NAA80: variants seen among roughly 807,000 people sequenced by gnomAD.
NAA80 encodes the protein N-alpha-acetyltransferase 80.
Under a neutral mutation model 8.7 loss-of-function variants are expected in NAA80, and 5 were observed. The ratio of observed to expected loss-of-function variants is 0.58; its 90% CI spans 0.30 to 1.21. The LOEUF (loss-of-function observed/expected upper bound fraction) is 1.21, where lower values mean the gene tolerates loss of function less well. NAA80 is among the 50% of genes most tolerant of loss of function. NAA80 has a pLI of 0.07. For synonymous variants in NAA80, 149 were observed against 156.6 expected (o/e 0.95, Z 0.36); for missense variants, 360 against 368.6 (o/e 0.98, Z 0.19).
chr3:50,299,309 T>C lies in NAA80; in HGVS notation c.-306A>G. 2 of 1,609,192 alleles carry C rather than the reference T, an allele frequency of 1.2e-6. No homozygotes were observed. Among genetic ancestry groups the C allele is most frequent in the South Asian group, 1.1e-5 (1 of 90,842 alleles). ...CTCGGACTCCTCGGTCCGACAACGT[T>C]GGCCCCCAGCGGTGCGGCGGATGTT... On this transcript the variant is annotated 5_prime_UTR_variant, in exon 1 of 2. Transcript: ENST00000443094.
rs1035668942 is a variant in NAA80, at chr3:50,296,536, G to A, written c.*67C>T. The stretch of plus-strand genomic sequence containing the variant: ...CTAGGGGCTGAGGTATGGTCAGTGG[G>A]CTGAGGCTTGTAGACTGTCGGGGCA... On this transcript the variant is annotated 3_prime_UTR_variant, in exon 2 of 2. Coordinates refer to ENST00000443094, the MANE Select transcript of NAA80 (RefSeq NM_001200016.2). 8.4e-6 allele frequency: 13 copies of A among 1,551,060 alleles called. No individual in the cohort carries two copies. In the African/African-American group the frequency reaches 1.6e-4, roughly 19 times the overall value.
chr3:50,296,957 G>A lies in NAA80; in HGVS notation c.507C>T (p.Phe169=). 1 of 1,601,880 alleles carries A rather than the reference G, an allele frequency of 6.2e-7. No homozygotes were observed. The change falls in exon 2 of 2, where the codon TTC becomes TTT. Residue 169 remains phenylalanine (F), a synonymous_variant. Transcript: ENST00000443094. Reference sequence around the variant, plus strand: ...CATGGGTGGTGAGATGCAGCTTGCGGAAGCCCCGGGCCCGAGCAAAGACCT... The same window carrying A: ...CATGGGTGGTGAGATGCAGCTTGCGAAAGCCCCGGGCCCGAGCAAAGACCT... ...GLEVFARARG[F]RKLHLTTHDQ...
At position 50,296,968 on chromosome 3, in the gene NAA80, C is replaced by T. The variant is rs782400136; in HGVS notation, c.496G>A (p.Ala166Thr). 1.1e-5 allele frequency: 17 copies of T among 1,593,728 alleles called. No individual in the cohort carries two copies. Among genetic ancestry groups the T allele is most frequent in the Non-Finnish European group, 1.4e-5 (16 of 1,172,302 alleles). ...AGATGCAGCTTGCGGAAGCCCCGGG[C>T]CCGAGCAAAGACCTCCAGGCCCTCC... Reference protein sequence around the residue: ...LMEGLEVFARARGFRKLHLTT... With the variant: ...LMEGLEVFARTRGFRKLHLTT... Residue 166 changes from alanine to threonine, a missense_variant, in exon 2 of 2, where the codon GCC (alanine) becomes ACC (threonine). Ala to Thr is a moderately conservative substitution (Grantham distance 58). Coordinates refer to ENST00000443094, the MANE Select transcript of NAA80 (RefSeq NM_001200016.2).
At position 50,297,308 on chromosome 3, in the gene NAA80, G is replaced by T; in HGVS notation, c.156C>A (p.Thr52=). ...TLDPEHQPEE[T]PAPSLAELTL... ...TCAACTCAGCCAGGCTAGGAGCTGGGGTCTCCTCTGGCTGGTGTTCAGGAT... is the reference window on the plus strand; with the variant it reads ...TCAACTCAGCCAGGCTAGGAGCTGGTGTCTCCTCTGGCTGGTGTTCAGGAT... The change falls in exon 2 of 2, where the codon ACC becomes ACA. Residue 52 remains threonine (T), a synonymous_variant. Coordinates refer to ENST00000443094, the MANE Select transcript of NAA80 (RefSeq NM_001200016.2). The surrounding 1 kb of genome is among the most constrained non-coding windows in gnomAD (Gnocchi z 4.3). 6.2e-7 allele frequency: 1 copy of T among 1,605,104 alleles called. No individual in the cohort carries two copies. The highest frequency in any genetic ancestry group is 8.5e-7 in the Non-Finnish European group (1 of 1,174,144).
rs782299613 is a variant in NAA80 at position 50,297,434 on chromosome 3, A to G, written c.30T>C (p.Ala10=). 6.2e-7 allele frequency: 1 copy of G among 1,611,752 alleles called. No homozygotes were observed. Among genetic ancestry groups the G allele is most frequent in the African/African-American group, 1.3e-5 (1 of 74,894 alleles). The change falls in exon 2 of 2, where the codon GCT becomes GCC. Residue 10 remains alanine, a synonymous_variant. Coordinates refer to ENST00000443094, the MANE Select transcript of NAA80 (RefSeq NM_001200016.2). This position sits in a 1 kb window ranked among gnomAD's most constrained non-coding sequence, Gnocchi z 4.3. ...GGCACGCAGGATCCAGAGTCAGCTC[A>G]GCTGGGCTGGTACTCAGGATCAGCT... is the stretch of plus-strand genomic sequence containing the variant. MELILSTSP[A]ELTLDPACQP...
Position 50,297,918 on chromosome 3 carries a change from A to T in NAA80, c.-209-246T>A. Reference sequence around the variant, plus strand: ...CTGGGAGTGATGGATGAGCTGCTTAAGGCTGGGGCAGAACCTAGGAGTCCT... The same window carrying T: ...CTGGGAGTGATGGATGAGCTGCTTATGGCTGGGGCAGAACCTAGGAGTCCT... On this transcript the variant is annotated intron_variant, in intron 1 of 1. Coordinates refer to ENST00000443094, the MANE Select transcript of NAA80 (RefSeq NM_001200016.2). This position sits in a 1 kb window ranked among gnomAD's most constrained non-coding sequence, Gnocchi z 4.3. 6 of 994,970 alleles carry T rather than the reference A, an allele frequency of 6.0e-6. No homozygotes were observed. Among genetic ancestry groups the T allele is most frequent in the Non-Finnish European group, 7.2e-6 (6 of 836,824 alleles). 61.6% of individuals were successfully genotyped at this position (994,970 alleles called of 1,614,324 possible). A position where few individuals can be genotyped will look rare whatever the true frequency, so the allele number is the denominator to read the frequency against.
rs72932959 is a variant in NAA80, at chr3:50,298,861, A to G, written c.-210+352T>C. Reference sequence around the variant, plus strand: ...CTGCAGCAGCCGCACCCTTTGGTCTAGAGGGAGGAAGCCCCAGGATCCGCC... The same window carrying G: ...CTGCAGCAGCCGCACCCTTTGGTCTGGAGGGAGGAAGCCCCAGGATCCGCC... On this transcript the variant is annotated intron_variant, in intron 1 of 1. Transcript: ENST00000443094. The G allele has an allele frequency of 0.032, 40,246 of 1,269,886 alleles. 6,857 individuals carry two copies. In the East Asian group the frequency reaches 0.56, roughly 18 times the overall value. 78.7% of individuals were successfully genotyped at this position (1,269,886 alleles called of 1,614,324 possible). A position where few individuals can be genotyped will look rare whatever the true frequency, so the allele number is the denominator to read the frequency against.
chr3:50,296,430 C>T lies in NAA80; in HGVS notation c.*173G>A, dbSNP rs1321517294. On this transcript the variant is annotated 3_prime_UTR_variant, in exon 2 of 2. Transcript: ENST00000443094. ...CCAAGAGAGCCTTTATTCAGCCACA[C>T]TGACGGCTCTGAGCCAGAGCCACCT... is the stretch of plus-strand genomic sequence containing the variant. 1.4e-6 allele frequency: 1 copy of T among 696,922 alleles called. No homozygotes were observed. Among genetic ancestry groups the T allele is most frequent in the South Asian group, 1.9e-5 (1 of 51,972 alleles). 43.2% of individuals were successfully genotyped at this position (696,922 alleles called of 1,614,324 possible). A position where few individuals can be genotyped will look rare whatever the true frequency, so the allele number is the denominator to read the frequency against.
chr3:50,297,709 G>A lies in NAA80; in HGVS notation c.-209-37C>T. On this transcript the variant is annotated intron_variant, in intron 1 of 1. Transcript: ENST00000443094. This position sits in a 1 kb window ranked among gnomAD's most constrained non-coding sequence, Gnocchi z 4.3. ...AGCCATGCTGGGCTGTGCCAGGAGG[G>A]AGGGTGGGGTTGGAGCAGGGAAGGG... 2.9e-6 allele frequency: 4 copies of A among 1,366,022 alleles called. No homozygotes were observed. Among genetic ancestry groups the A allele is most frequent in the Middle Eastern group, 2.7e-4 (1 of 3,702 alleles). The allele number at this position is 1,366,022 out of a possible 1,614,324, so 84.6% of individuals were successfully genotyped here.
At chr3:50,299,000 C>A in intron 1 of NAA80, 1 of 1,469,494 alleles carries the variant, frequency 6.8e-7, no homozygotes, top group Non-Finnish European at 9.0e-7. Context: ...CTCTCCCGGG[C>A]CTCGGTTTCC....
intron 1 of NAA80, among the ~76,000 whole-genome samples, chr3:50,298,627 C>A (rs895575400): frequency 1.1e-4 from 16 of 152,232 alleles, no homozygotes; most frequent in Middle Eastern, 3.4e-3. Context: ...GTCCTGCCGT[C>A]CGGCAGGTCT....
In NAA80 at chr3:50,296,607, A is replaced by G. The variant is rs1701849086; in HGVS notation, c.857T>C (p.Ile286Thr). 6.2e-7 allele frequency: 1 copy of G among 1,613,776 alleles called. No individual in the cohort carries two copies. Among genetic ancestry groups the G allele is most frequent in the African/African-American group, 1.3e-5 (1 of 74,970 alleles). ...GRPIFWMEKD[I>T] Reference sequence around the variant, plus strand: ...AGTTCCTTGCCCTGGATGGCCTCAGATGTCTTTTTCCATCCAGAATATGGG... The same window carrying G: ...AGTTCCTTGCCCTGGATGGCCTCAGGTGTCTTTTTCCATCCAGAATATGGG... The change falls in exon 2 of 2, where the codon ATC becomes ACC. Residue 286 changes from isoleucine (I) to threonine (T), a missense_variant. Physicochemically the swap from Ile to Thr is moderately conservative, Grantham distance 89 (BLOSUM62 -1). Transcript: ENST00000443094.
chr3:50,298,921 A>C, intron 1 of NAA80: 1 of 1,383,380 alleles, frequency 7.2e-7, no homozygotes, highest in Non-Finnish European at 9.4e-7. Context: ...CCGCGGCCTT[A>C]ACCCCTTCAG....
rs199780029 is a variant in NAA80, at chr3:50,296,936, G to T, written c.528C>A (p.Thr176=). Residue 176 remains threonine, a synonymous_variant, in exon 2 of 2, where the codon ACC becomes ACA. Coordinates refer to ENST00000443094, the MANE Select transcript of NAA80 (RefSeq NM_001200016.2). Reference sequence around the variant, plus strand: ...GGGTATAGAAGTGCACCTGGTCATGGGTGGTGAGATGCAGCTTGCGGAAGC... The same window carrying T: ...GGGTATAGAAGTGCACCTGGTCATGTGTGGTGAGATGCAGCTTGCGGAAGC... ...ARGFRKLHLT[T]HDQVHFYTHL... The T allele has an allele frequency of 3.0e-5, 48 of 1,608,424 alleles. No individual in the cohort carries two copies. In the African/African-American group the frequency reaches 6.1e-4, roughly 21 times the overall value.
chr3:50,297,087 A>C lies in NAA80; in HGVS notation c.377T>G (p.Leu126Arg). Residue 126 changes from leucine to arginine, a missense_variant, in exon 2 of 2, where the codon CTG becomes CGG. Leu to Arg is a moderately radical substitution (Grantham distance 102). Coordinates refer to ENST00000443094, the MANE Select transcript of NAA80 (RefSeq NM_001200016.2). The surrounding 1 kb of genome is among the most constrained non-coding windows in gnomAD (Gnocchi z 4.3). ...AAPVVVGHAR[L>R]SRVLNQPQSL... Reference sequence around the variant, plus strand: ...CTGGGGCTGGTTCAGCACCCGTGACAGGCGGGCATGGCCCACCACAACGGG... The same window carrying C: ...CTGGGGCTGGTTCAGCACCCGTGACCGGCGGGCATGGCCCACCACAACGGG... The C allele has an allele frequency of 6.5e-7, 1 of 1,541,156 alleles. No individual in the cohort carries two copies. The highest frequency in any genetic ancestry group is 1.3e-5 in the South Asian group (1 of 79,952).
chr3:50,298,845 C>T, intron 1 of NAA80: 1 of 1,228,970 alleles, frequency 8.1e-7, no homozygotes, highest in Non-Finnish European at 1.0e-6. Context: ...TCTGCAGCAG[C>T]CGCACCCTTT....
chr3:50,296,646 T>C lies in NAA80; in HGVS notation c.818A>G (p.Asn273Ser), dbSNP rs782098242. ...SKSLLETQYQ[N>S]VRGRPIFWME... Reference sequence around the variant, plus strand: ...CCAGAATATGGGGCGCCCCCTCACATTTTGATATTGTGTCTCCAGCAGGCT... The same window carrying C: ...CCAGAATATGGGGCGCCCCCTCACACTTTGATATTGTGTCTCCAGCAGGCT... The change falls in exon 2 of 2, where the codon AAT (asparagine) becomes AGT (serine). Residue 273 changes from asparagine to serine, a missense_variant. Physicochemically the swap from Asn to Ser is conservative, Grantham distance 46. Coordinates refer to ENST00000443094, the MANE Select transcript of NAA80 (RefSeq NM_001200016.2). 2.5e-6 allele frequency: 4 copies of C among 1,613,648 alleles called. No individual in the cohort carries two copies. In the South Asian group the frequency reaches 3.3e-5, roughly 13 times the overall value.
rs782140616 is a variant in NAA80 at position 50,296,886 on chromosome 3, G to A, written c.578C>T (p.Pro193Leu). The change falls in exon 2 of 2, where the codon CCT (proline) becomes CTT (leucine). Residue 193 changes from proline to leucine, a missense_variant. Pro to Leu is a moderately conservative substitution (Grantham distance 98). Transcript: ENST00000443094. ...YTHLGYQLGEPVQGLVFTSRR... is the reference protein window; with the variant it reads ...YTHLGYQLGELVQGLVFTSRR... ...GCTGGTGAAGACCAGGCCCTGCACAGGCTCACCCAGCTGGTAGCCCAGGTG... is the reference window on the plus strand; with the variant it reads ...GCTGGTGAAGACCAGGCCCTGCACAAGCTCACCCAGCTGGTAGCCCAGGTG... The A allele has an allele frequency of 1.0e-5, 16 of 1,607,128 alleles. No individual in the cohort carries two copies. The highest frequency in any genetic ancestry group is 1.3e-5 in the Non-Finnish European group (15 of 1,177,490).
Position 50,297,271 on chromosome 3 carries a change from C to A in NAA80, c.193G>T (p.Val65Leu). ...TCCAGGAGCTCGGGTCGGCGGTGCACAGGCTCCAGGGTCAACTCAGCCAGG... is the reference window on the plus strand; with the variant it reads ...TCCAGGAGCTCGGGTCGGCGGTGCAAAGGCTCCAGGGTCAACTCAGCCAGG... ...PSLAELTLEP[V>L]HRRPELLDAC... Residue 65 changes from valine to leucine, a missense_variant, in exon 2 of 2, where the codon GTG becomes TTG. Coordinates refer to ENST00000443094, the MANE Select transcript of NAA80 (RefSeq NM_001200016.2). The surrounding 1 kb of genome is among the most constrained non-coding windows in gnomAD (Gnocchi z 4.3). The A allele has an allele frequency of 6.2e-7, 1 of 1,608,016 alleles. No homozygotes were observed. The highest frequency in any genetic ancestry group is 8.5e-7 in the Non-Finnish European group (1 of 1,176,066).
Sources: allele counts gnomAD v4.1 joint callset (sites outside exome capture counted in the v4.1 genomes callset), GRCh38; gene constraint gnomAD v4.1.1; non-coding constraint Gnocchi (gnomAD v3.1); transcripts MANE v1.5; gene names NCBI Gene and HGNC (gene_info 2026-07-23, HGNC 2026-07-21).